The following FAM178B variants were observed in gnomAD, a reference collection of about 807,000 sequenced individuals.
The protein encoded by FAM178B is protein FAM178B.
FAM178B carries 82 observed loss-of-function variants against 91.7 expected under a neutral mutation model. The observed-to-expected ratio is 0.89, with a 90% CI of 0.75 to 1.07. FAM178B has a LOEUF of 1.07. Ranked by LOEUF, FAM178B falls within the 50% of genes least tolerant of loss-of-function variation. The probability of loss-of-function intolerance (pLI) is 0.00; values close to 1 mark genes in which losing one functional copy is unlikely to be tolerated. For synonymous variants in FAM178B, 368 were observed against 359.4 expected (o/e 1.02, Z -0.27); for missense variants, 769 against 846.7 (o/e 0.91, Z 1.14).
chr2:96,914,884 A>C (rs2081216634), intron 12 of FAM178B, among the ~76,000 whole-genome samples: 2 of 152,152 alleles, frequency 1.3e-5, no homozygotes, highest in African/African-American at 2.4e-5. Flanking sequence ...AGATTCTGTC[A>C]ACAACAAACA....
chr2:96,893,442 C>T (rs1049025001), intron 14 of FAM178B, among the ~76,000 whole-genome samples: 3 of 152,104 alleles, frequency 2.0e-5, no homozygotes, highest in African/African-American at 7.2e-5. Context: ...TTAGGAAGAA[C>T]TGGGGACAGG....
chr2:96,952,564 T>A (rs758658523), intron 6 of FAM178B, among the ~76,000 whole-genome samples: 1 of 152,172 alleles, frequency 6.6e-6, no homozygotes, highest in South Asian at 2.1e-4. Flanking sequence ...CCTACAAGAT[T>A]CCAGATCTTT....
At chr2:96,978,129 T>TCTTCTTTC (rs2082316551) in intron 1 of FAM178B, among the ~76,000 whole-genome samples, 1 of 152,176 alleles carries the variant, frequency 6.6e-6, no homozygotes. Flanking sequence ...ACGGAAGTCG[T>TCTTCTTTC]CTCATCTCAG....
rs1481627761 is a variant in FAM178B at position 96,947,855 on chromosome 2, C to G, written c.1041G>C (p.Leu347=). ...AGATTCCATCCACAATGAGATCCCA[C>G]AGAAGACCAAAGGCTCCCAAAGATG... The part of the protein sequence containing the change: ...PETSLGAFGL[L]WDLIVDGIFL... The change falls in exon 8 of 17, where the codon CTG becomes CTC. Residue 347 remains leucine (L), a synonymous_variant. Transcript: ENST00000490605. The G allele has an allele frequency of 6.5e-7, 1 of 1,549,048 alleles. No homozygotes were observed. Among genetic ancestry groups the G allele is most frequent in the Non-Finnish European group, 8.7e-7 (1 of 1,144,972 alleles).
intron 4 of FAM178B, among the ~76,000 whole-genome samples, chr2:96,969,083 C>T (rs1457331651): frequency 6.6e-6 from 1 of 152,218 alleles, no homozygotes; most frequent in East Asian, 1.9e-4. Context: ...CTCTTCTGGG[C>T]TCCTCCACGG....
At chr2:96,924,817 C>G (rs1399765185) in intron 9 of FAM178B, among the ~76,000 whole-genome samples, 2 of 152,224 alleles carry the variant, frequency 1.3e-5, no homozygotes, top group African/African-American at 4.8e-5. Context: ...CTGATGACAG[C>G]AGGCTCCAGG....
chr2:96,970,607 G>T, intron 4 of FAM178B, 109 bp downstream of exon 4: 1 of 825,252 alleles, frequency 1.2e-6, no homozygotes, highest in Non-Finnish European at 2.0e-6. Context: ...GGCAGGCTGA[G>T]TCTGGGTGGG....
intron 8 of FAM178B, among the ~76,000 whole-genome samples, chr2:96,933,379 T>C (rs2081574487): frequency 6.6e-6 from 1 of 151,002 alleles, no homozygotes; most frequent in Non-Finnish European, 1.5e-5. Flanking sequence ...CACTTGGGGG[T>C]ATGGGGGGAA....
Position 96,947,909 on chromosome 2 carries a change from G to T in FAM178B, c.994-7C>A. 1 of 1,508,046 alleles carries T rather than the reference G, an allele frequency of 6.6e-7. No individual in the cohort carries two copies. The highest frequency in any genetic ancestry group is 1.4e-5 in the African/African-American group (1 of 69,030). 93.4% of individuals were successfully genotyped at this position (1,508,046 alleles called of 1,614,324 possible). ...CTGGAGGCCATGTCAGCAGCTAGGT[G>T]GAAAAAAAAAACAAAAACAAAAACC... On this transcript the variant is annotated splice_polypyrimidine_tract_variant and splice_region_variant and intron_variant, in intron 7 of 16. Transcript: ENST00000490605.
At chr2:96,890,848 C>CAGA (rs2080661284) in intron 14 of FAM178B, among the ~76,000 whole-genome samples, 1 of 152,202 alleles carries the variant, frequency 6.6e-6, no homozygotes, top group Non-Finnish European at 1.5e-5. Context: ...AATAAGCCCT[C>CAGA]TGCCTCTCAC....
Position 96,921,569 on chromosome 2 carries a change from C to A in FAM178B, c.1373G>T (p.Ser458Ile), listed in dbSNP as rs777869147. ...CAGCAGGCGGAGCCCCACGTCCAGG[C>A]TGGTGCGGCACAGCAGCTCAATCAG... Reference protein sequence around the residue: ...MGLIELLCRTSLDVGLRLLPK... With the variant: ...MGLIELLCRTILDVGLRLLPK... The change falls in exon 11 of 17, where the codon AGC becomes ATC. Residue 458 changes from serine to isoleucine, a missense_variant. Physicochemically the swap from Ser to Ile is moderately radical, Grantham distance 142. Coordinates refer to ENST00000490605, the MANE Select transcript of FAM178B (RefSeq NM_001122646.3). 22 of 1,551,694 alleles carry A rather than the reference C, an allele frequency of 1.4e-5. No individual in the cohort carries two copies. The South Asian group carries it at 2.5e-4, about 18-fold the overall frequency.
rs190564131 is a variant in FAM178B, at chr2:96,877,550, A to C, written c.2007+340T>G. ...CCAGAGTAGCTGGGATTACAGGCGC[A>C]CACCACCGCGCCCGGCTAATTTTTT... On this transcript the variant is annotated intron_variant, in intron 16 of 16. Coordinates refer to ENST00000490605, the MANE Select transcript of FAM178B (RefSeq NM_001122646.3). Among the ~76,000 whole-genome samples the C allele has an allele frequency of 2.6e-5, 4 of 152,046 alleles. No homozygotes were observed. In the East Asian group the frequency reaches 7.8e-4, roughly 29 times the overall value.
At chr2:96,907,098 C>A (rs1319694858) in intron 12 of FAM178B, among the ~76,000 whole-genome samples, 1 of 152,012 alleles carries the variant, frequency 6.6e-6, no homozygotes, top group African/African-American at 2.4e-5. Context: ...ACAAGAAGCA[C>A]CAAGAGGGTG....
chr2:96,932,941 CAAAAAAAAAA>C (rs35133795), intron 8 of FAM178B, among the ~76,000 whole-genome samples: 3 of 33,864 alleles, frequency 8.9e-5, no homozygotes, highest in Non-Finnish European at 1.9e-4. Flanking sequence ...CTCCGTCTCA[CAAAAAAAAAA>C]AAAAAAAAAA....
chr2:96,978,040 T>C (rs940977910), intron 1 of FAM178B: 7 of 393,426 alleles, frequency 1.8e-5, no homozygotes, highest in Admixed American at 1.8e-4. Flanking sequence ...TGACACAACT[T>C]CTCAACTATT....
intron 12 of FAM178B, among the ~76,000 whole-genome samples, chr2:96,915,686 C>T (rs574576652): frequency 1.2e-3 from 187 of 151,650 alleles, no homozygotes; most frequent in Non-Finnish European, 2.2e-3. Flanking sequence ...TGTGGTGGCA[C>T]GCACCTGTAG....
At chr2:96,981,482 G>A (rs2082359985) in intron 1 of FAM178B, among the ~76,000 whole-genome samples, 1 of 152,114 alleles carries the variant, frequency 6.6e-6, no homozygotes, top group African/African-American at 2.4e-5. Flanking sequence ...GGTGCTTTCT[G>A]TATCCTGTTT....
chr2:96,894,087 G>A (rs1329767865), intron 13 of FAM178B, 36 bp from the exon 14 acceptor site: 6 of 1,576,884 alleles, frequency 3.8e-6, no homozygotes, highest in Non-Finnish European at 5.2e-6. Flanking sequence ...CTCACAGAGG[G>A]TGGTGGCCAA....
Position 96,905,844 on chromosome 2 carries a change from ATATATATATATATATATTTTTTTTTTTT to A in FAM178B, c.1563-3165_1563-3138del, listed in dbSNP as rs1216513800. 1.5e-3 allele frequency among the ~76,000 whole-genome samples: 44 copies of A among 28,608 alleles called. 1 individual carries two copies. Among genetic ancestry groups the A allele is most frequent in the African/African-American group, 4.2e-3 (42 of 9,898 alleles). The allele number at this position is 28,608 out of a possible 152,430, so 18.8% of individuals were successfully genotyped here. ...TATATATATATATATATATATATAT[ATATATATATATATATATTTTTTTTTTTT>A]TTTTTTTTTTTTTTTTGAGATGGAG... On this transcript the variant is annotated intron_variant, in intron 12 of 16. Coordinates refer to ENST00000490605, the MANE Select transcript of FAM178B (RefSeq NM_001122646.3).
Sources: gnomAD v4.1 joint callset for allele counts (sites outside exome capture counted in the v4.1 genomes callset) on GRCh38, gnomAD v4.1.1 for gene constraint, MANE v1.5 for transcripts, NCBI Gene and HGNC (gene_info 2026-07-23, HGNC 2026-07-21) for gene names.